Variants in ZNF568 observed in about 807,000 individuals in gnomAD.
The protein encoded by ZNF568 is zinc finger protein 568.
Under a neutral mutation model 18.1 loss-of-function variants are expected in ZNF568, and 11 were observed. That is an observed-to-expected ratio of 0.61 (90% CI 0.38 to 1.00). ZNF568 has a LOEUF of 1.00. ZNF568 is among the 50% of genes least tolerant of loss of function. The probability of loss-of-function intolerance (pLI) is 0.01; values close to 1 mark genes in which losing one functional copy is unlikely to be tolerated. For synonymous variants in ZNF568, 213 were observed against 246.6 expected (o/e 0.86, Z 1.28); for missense variants, 639 against 768.2 (o/e 0.83, Z 1.99).
chr19:36,917,887 A>T (rs62115611), intron 2 of ZNF568, among the ~76,000 whole-genome samples: 1 of 151,858 alleles, frequency 6.6e-6, no homozygotes, highest in African/African-American at 2.4e-5. Context: ...CAAAATATCC[A>T]CCAATTTCTG....
intron 4 of ZNF568, among the ~76,000 whole-genome samples, chr19:36,992,676 T>C (rs551602711): frequency 6.6e-6 from 1 of 152,290 alleles, no homozygotes; most frequent in East Asian, 1.9e-4. Flanking sequence ...AACAGTTTTA[T>C]TGAGATATCA....
intron 2 of ZNF568, among the ~76,000 whole-genome samples, chr19:36,986,761 C>T (rs1235833903): frequency 6.6e-6 from 1 of 152,172 alleles, no homozygotes; most frequent in Non-Finnish European, 1.5e-5. Context: ...TTTGTTGACA[C>T]AGCTGCTCCT....
intron 2 of ZNF568, among the ~76,000 whole-genome samples, chr19:36,988,575 C>CA: frequency 6.6e-6 from 1 of 152,218 alleles, no homozygotes; most frequent in East Asian, 1.9e-4. Context: ...AGAACAGCAA[C>CA]AAGGGGGTGG....
chr19:36,922,777 T>C lies in ZNF568; in HGVS notation c.7T>C (p.Ser3Pro), dbSNP rs1037589145. 10 of 1,613,872 alleles carry C rather than the reference T, an allele frequency of 6.2e-6. No homozygotes were observed. The East Asian group carries it at 1.1e-4, about 18-fold the overall frequency. ...CAGAGCAGGCAGGGTCTGAATGACA[T>C]CTCAATCTTCAGTGATCAGCAATAG... MT[S>P]QSSVISNSCV... Residue 3 changes from serine to proline, a missense_variant, in exon 3 of 7, where the codon TCT (serine) becomes CCT (proline). Transcript: ENST00000333987.
chr19:36,980,419 G>A (rs1031350467), downstream of ZNF568: 2 of 152,030 alleles, frequency 1.3e-5, no homozygotes, highest in African/African-American at 2.4e-5. Context: ...TATTGAAAAG[G>A]CCATTGTAAA....
intron 4 of ZNF568, 104 bp from the exon 5 acceptor site, chr19:36,936,642 T>G (rs973153435): frequency 1.8e-6 from 2 of 1,102,894 alleles, no homozygotes; most frequent in Non-Finnish European, 2.6e-6. Flanking sequence ...CTTCTAGTAC[T>G]CCTACCTCTG....
At chr19:36,953,428 A>G (rs955138276), downstream of ZNF568, among the ~76,000 whole-genome samples, 5 of 152,196 alleles carry the variant, frequency 3.3e-5, no homozygotes, top group Non-Finnish European at 5.9e-5. Flanking sequence ...CTTGACTTAC[A>G]CAGCCCATCC....
chr19:36,980,478 G>A (rs1028895779), downstream of ZNF568, among the ~76,000 whole-genome samples: 4 of 152,110 alleles, frequency 2.6e-5, no homozygotes, highest in African/African-American at 4.8e-5. Flanking sequence ...ACAAGATGCC[G>A]TCACTCAGAC....
At chr19:36,917,443 T>A (rs2073362775) in intron 1 of ZNF568, 136 bp from the exon 2 acceptor site, 1 of 152,258 alleles carries the variant, frequency 6.6e-6, no homozygotes, top group Non-Finnish European at 1.5e-5. Flanking sequence ...GTCTACCACC[T>A]TAAGAAACAT....
chr19:36,939,226 C>T (rs917462150), intron 6 of ZNF568, among the ~76,000 whole-genome samples: 4 of 152,192 alleles, frequency 2.6e-5, no homozygotes, highest in African/African-American at 9.6e-5. Context: ...TATAAGAATA[C>T]TGGCTGTTTG....
chr19:36,936,567 T>G, intron 4 of ZNF568, 179 bp from the exon 5 acceptor site: 1 of 490,434 alleles, frequency 2.0e-6, no homozygotes, highest in African/African-American at 1.9e-5. Flanking sequence ...ATGTTTTTTG[T>G]CAGATTTGGG....
At chr19:36,958,654 T>C (rs1251791829) in intron 6 of ZNF568, among the ~76,000 whole-genome samples, 1 of 142,422 alleles carries the variant, frequency 7.0e-6, no homozygotes, top group Non-Finnish European at 1.5e-5. Flanking sequence ...AGGGTCTCTC[T>C]TTCGCCCAGG....
intron 6 of ZNF568, among the ~76,000 whole-genome samples, chr19:36,969,463 A>C (rs2074219852): frequency 6.6e-6 from 1 of 152,160 alleles, no homozygotes; most frequent in South Asian, 2.1e-4. Context: ...AGGTCATCCC[A>C]ACCTCTTCCT....
At chr19:36,945,247 GTGTGTA>G (rs1287749961) in intron 6 of ZNF568, among the ~76,000 whole-genome samples, 5 of 137,782 alleles carry the variant, frequency 3.6e-5, no homozygotes, top group African/African-American at 1.0e-4. Context: ...GTGTGTGTGT[GTGTGTA>G]TAAAATATAT....
chr19:36,965,947 G>A (rs1486394264), intron 6 of ZNF568, among the ~76,000 whole-genome samples: 2 of 151,706 alleles, frequency 1.3e-5, no homozygotes, highest in South Asian at 2.1e-4. Flanking sequence ...TGATCTGCCC[G>A]CCTCGGCCTC....
intron 6 of ZNF568, among the ~76,000 whole-genome samples, chr19:36,971,466 TGGCCAAAAATATAA>T (rs1189345429): frequency 1.3e-5 from 2 of 152,090 alleles, no homozygotes; most frequent in African/African-American, 2.4e-5. Flanking sequence ...GAAACGATAA[TGGCCAAAAATATAA>T]GGGACTACTT....
chr19:36,985,497 GTTTT>G (rs2074367886), intron 2 of ZNF568, among the ~76,000 whole-genome samples: 1 of 137,420 alleles, frequency 7.3e-6, no homozygotes, highest in Admixed American at 7.5e-5. Flanking sequence ...CTCTTTGCAT[GTTTT>G]TGTTTGTTTG....
intron 2 of ZNF568, among the ~76,000 whole-genome samples, chr19:36,919,425 A>G (rs1030137007): frequency 1.3e-5 from 2 of 152,090 alleles, no homozygotes; most frequent in East Asian, 1.9e-4. Flanking sequence ...GTGGAAGACA[A>G]TTTTTCCAGG....
chr19:36,932,476 G>A (rs150235869), intron 4 of ZNF568, among the ~76,000 whole-genome samples: 18 of 152,218 alleles, frequency 1.2e-4, no homozygotes, highest in Non-Finnish European at 2.4e-4. Flanking sequence ...TGTAATCCTA[G>A]CTACTTGGGA....
Sources: allele counts gnomAD v4.1 joint callset (sites outside exome capture counted in the v4.1 genomes callset), GRCh38; gene constraint gnomAD v4.1.1; transcripts MANE v1.5; gene names NCBI Gene and HGNC (gene_info 2026-07-23, HGNC 2026-07-21).